Variants in PCDHA6 observed in about 807,000 individuals in gnomAD.
PCDHA6 encodes protocadherin alpha-6.
PCDHA6 carries 55 observed loss-of-function variants against 60.3 expected under a neutral mutation model. The observed-to-expected ratio is 0.91, with a 90% CI of 0.73 to 1.14. The LOEUF (loss-of-function observed/expected upper bound fraction) is 1.14, where lower values mean the gene tolerates loss of function less well. Ranked by LOEUF, PCDHA6 falls within the 50% of genes most tolerant of loss-of-function variation. The pLI is 0.00. For synonymous variants in PCDHA6, 652 were observed against 557.9 expected (o/e 1.17, Z -2.38); for missense variants, 1,327 against 1,256.5 (o/e 1.06, Z -0.85).
intron 1 of PCDHA6, among the ~76,000 whole-genome samples, chr5:140,901,764 G>A (rs1217710808): frequency 6.6e-6 from 1 of 152,120 alleles, no homozygotes; most frequent in Non-Finnish European, 1.5e-5. Context: ...GACAGGGATT[G>A]CATTGAATTT....
intron 3 of PCDHA6, among the ~76,000 whole-genome samples, chr5:141,006,404 G>T (rs1001810745): frequency 6.6e-6 from 1 of 151,938 alleles, no homozygotes; most frequent in Admixed American, 6.6e-5. Flanking sequence ...TAGTAGAGAC[G>T]CGGTTTCACT....
At chr5:140,979,051 G>C in intron 2 of PCDHA6, 44 bp downstream of exon 2, 1 of 1,609,534 alleles carries the variant, frequency 6.2e-7, no homozygotes, top group East Asian at 2.2e-5. Flanking sequence ...ACCTTAACTT[G>C]GTATGGCTCA....
chr5:140,943,276 AAG>A (rs1491082610), intron 1 of PCDHA6, among the ~76,000 whole-genome samples: 3,151 of 135,552 alleles, frequency 0.023, 213 homozygotes, highest in African/African-American at 0.087. Flanking sequence ...AAAAAAAAAA[AAG>A]AAAGAAAGAA....
rs1554131952 is a variant in PCDHA6, at chr5:140,829,430, G to A, written c.1339G>A (p.Asp447Asn). 1.2e-6 allele frequency: 2 copies of A among 1,613,974 alleles called. No homozygotes were observed. The highest frequency in any genetic ancestry group is 1.3e-5 in the African/African-American group (1 of 74,938). Reference sequence around the variant, plus strand: ...CGCCAGCTTGTCTGTGGAGGTGGCCGACATGAATGACAATGCTCCGGCGTT... The same window carrying A: ...CGCCAGCTTGTCTGTGGAGGTGGCCAACATGAATGACAATGCTCCGGCGTT... ...ATASLSVEVA[D>N]MNDNAPAFAQ... The change falls in exon 1 of 4, where the codon GAC becomes AAC. Residue 447 changes from aspartate (D) to asparagine (N), a missense_variant. Transcript: ENST00000529310.
At chr5:140,843,709 C>T in intron 1 of PCDHA6, 1 of 1,574,864 alleles carries the variant, frequency 6.3e-7, no homozygotes, top group Non-Finnish European at 8.7e-7. Flanking sequence ...TTGATCATGG[C>T]CTCAAAGTAA....
chr5:140,857,657 C>A (rs1207727837), intron 1 of PCDHA6: 1 of 1,596,626 alleles, frequency 6.3e-7, no homozygotes. Flanking sequence ...GGTGAGCGCG[C>A]GCGATGGGGG....
intron 1 of PCDHA6, among the ~76,000 whole-genome samples, chr5:140,913,266 T>C (rs1458769816): frequency 1.3e-5 from 2 of 152,176 alleles, no homozygotes; most frequent in Non-Finnish European, 2.9e-5. Flanking sequence ...TCTAATTACT[T>C]GTTATTGGTC....
At chr5:140,914,445 T>C (rs782813943) in intron 1 of PCDHA6, among the ~76,000 whole-genome samples, 1 of 152,200 alleles carries the variant, frequency 6.6e-6, no homozygotes, top group South Asian at 2.1e-4. Flanking sequence ...CCCATGTCTT[T>C]ATTTTCCAGT....
In PCDHA6 at chr5:140,843,257, C is replaced by G. The variant is rs146582216; in HGVS notation, c.2394+12772C>G. 40 of 1,595,938 alleles carry G rather than the reference C, an allele frequency of 2.5e-5. 2 individuals carry two copies. The highest frequency in any genetic ancestry group is 3.2e-5 in the Non-Finnish European group (37 of 1,165,610). On this transcript the variant is annotated intron_variant, in intron 1 of 3. Coordinates refer to ENST00000529310, the MANE Select transcript of PCDHA6 (RefSeq NM_018909.4). The stretch of plus-strand genomic sequence containing the variant: ...GGACGAAGCGGACTCTCCGCGCCAC[C>G]GTCTGCTGGTCCTGGTGAAGGATCA...
intron 1 of PCDHA6, among the ~76,000 whole-genome samples, chr5:140,893,701 C>A (rs1297465606): frequency 6.6e-6 from 1 of 152,104 alleles, no homozygotes; most frequent in African/African-American, 2.4e-5. Context: ...TCTATCCTAG[C>A]CTGTAAAGCT....
intron 1 of PCDHA6, chr5:140,928,054 A>T (rs2084892451): frequency 1.2e-6 from 2 of 1,613,994 alleles, no homozygotes; most frequent in Non-Finnish European, 1.7e-6. Flanking sequence ...TTTTCAGCTG[A>T]CGGCTTCCTT....
In PCDHA6 at chr5:140,828,337, C is replaced by A. The variant is rs2150154225; in HGVS notation, c.246C>A (p.Gly82=). ...EDLLEVNLQN[G]ILFVNSRIDR... ...TTCTGGAGGTAAATCTGCAGAATGGCATTTTGTTTGTGAATTCTCGGATCG... is the reference window on the plus strand; with the variant it reads ...TTCTGGAGGTAAATCTGCAGAATGGAATTTTGTTTGTGAATTCTCGGATCG... Residue 82 remains glycine (G), a synonymous_variant, in exon 1 of 4, where the codon GGC becomes GGA. Coordinates refer to ENST00000529310, the MANE Select transcript of PCDHA6 (RefSeq NM_018909.4). 1 of 1,614,234 alleles carries A rather than the reference C, an allele frequency of 6.2e-7. No individual in the cohort carries two copies.
chr5:140,903,301 A>G (rs575233990), intron 1 of PCDHA6, among the ~76,000 whole-genome samples: 1 of 152,302 alleles, frequency 6.6e-6, no homozygotes, highest in East Asian at 1.9e-4. Context: ...GAAATTTAGT[A>G]TACAATAAAG....
chr5:140,949,656 GT>G (rs782242887), intron 1 of PCDHA6, among the ~76,000 whole-genome samples: 5 of 151,274 alleles, frequency 3.3e-5, no homozygotes, highest in Non-Finnish European at 7.4e-5. Context: ...TTTTACTTTT[GT>G]TTCTTTAAAG....
At chr5:140,930,675 A>G (rs1326713897) in intron 1 of PCDHA6, among the ~76,000 whole-genome samples, 2 of 152,234 alleles carry the variant, frequency 1.3e-5, no homozygotes, top group Non-Finnish European at 2.9e-5. Flanking sequence ...TATTCTAGGC[A>G]ATAAGGGGAA....
intron 1 of PCDHA6, chr5:140,835,456 C>T: frequency 6.2e-7 from 1 of 1,613,924 alleles, no homozygotes; most frequent in East Asian, 2.2e-5. Context: ...CTGTCTCTCC[C>T]TATTCCAGAG....
chr5:140,925,905 G>A (rs1241819632), intron 1 of PCDHA6, among the ~76,000 whole-genome samples: 1 of 151,822 alleles, frequency 6.6e-6, no homozygotes, highest in Admixed American at 6.6e-5. Flanking sequence ...GATCGTCAAG[G>A]GCCGTTTGCA....
In PCDHA6 at chr5:140,853,662, T is replaced by C. The variant is rs1319921056; in HGVS notation, c.2394+23177T>C. The C allele has an allele frequency of 3.4e-5, 34 of 988,522 alleles. 1 individual carries two copies. In the African/African-American group the frequency reaches 3.9e-4, roughly 11 times the overall value. 61.2% of individuals were successfully genotyped at this position (988,522 alleles called of 1,614,324 possible). ...CTAAATTGAGCCTGTTCCAGACAAA[T>C]TGGGGCCTATGGTCAACCTATCCTT... On this transcript the variant is annotated intron_variant, in intron 1 of 3. Coordinates refer to ENST00000529310, the MANE Select transcript of PCDHA6 (RefSeq NM_018909.4).
At chr5:140,903,927 G>A (rs1202330297) in intron 1 of PCDHA6, among the ~76,000 whole-genome samples, 1 of 152,158 alleles carries the variant, frequency 6.6e-6, no homozygotes, top group Non-Finnish European at 1.5e-5. Context: ...TGCTGCATTG[G>A]ATAATACCTC....
Sources: gnomAD v4.1 joint callset for allele counts (sites outside exome capture counted in the v4.1 genomes callset) on GRCh38, gnomAD v4.1.1 for gene constraint, MANE v1.5 for transcripts, NCBI Gene and HGNC (gene_info 2026-07-23, HGNC 2026-07-21) for gene names.